FRMPD4: variants seen among roughly 807,000 people sequenced by gnomAD.
FRMPD4 encodes the protein FERM and PDZ domain containing 4.
FRMPD4 carries 22 observed loss-of-function variants against 94.1 expected under a neutral mutation model. The observed-to-expected ratio is 0.23, with a 90% CI of 0.17 to 0.33. The LOEUF is 0.33. Ranked by LOEUF, FRMPD4 falls within the 10% of genes least tolerant of loss-of-function variation. FRMPD4 has a pLI of 1.00. For missense variants in FRMPD4, 1,111 were observed against 1,339.9 expected (o/e 0.83, Z 2.67); for synonymous variants, 631 against 548.6 (o/e 1.15, Z -2.10).
chrX:11,923,792 A>G (rs902227335), intron 3 of FRMPD4, among the ~76,000 whole-genome samples: 1 of 112,422 alleles, frequency 8.9e-6, no homozygotes, highest in African/African-American at 3.2e-5. Flanking sequence ...CGGCAACCTC[A>G]AGGGTTGGAG....
At chrX:12,540,460 C>T (rs1487382995) in intron 2 of FRMPD4, among the ~76,000 whole-genome samples, 8 of 111,582 alleles carry the variant, frequency 7.2e-5, no homozygotes, top group African/African-American at 2.3e-4. Context: ...ATAAAACAGA[C>T]TTTAAATCAA....
chrX:12,392,372 T>G (rs1252677726), intron 1 of FRMPD4, among the ~76,000 whole-genome samples: 2 of 98,223 alleles, frequency 2.0e-5, no homozygotes, highest in Non-Finnish European at 4.1e-5. Flanking sequence ...AAATCTAGGC[T>G]GGGTGCGGTG....
chrX:11,908,082 C>T (rs1227720657), intron 3 of FRMPD4, among the ~76,000 whole-genome samples: 1 of 111,525 alleles, frequency 9.0e-6, no homozygotes, highest in Non-Finnish European at 1.9e-5. Flanking sequence ...GTCTGTATAG[C>T]TTAGTTGTCA....
chrX:12,170,612 A>G (rs1646002075), intron 1 of FRMPD4, among the ~76,000 whole-genome samples: 1 of 112,570 alleles, frequency 8.9e-6, no homozygotes, highest in African/African-American at 3.2e-5. Context: ...CAAAATAAAA[A>G]CTTCATGGAA....
intron 3 of FRMPD4, among the ~76,000 whole-genome samples, chrX:11,913,811 A>G (rs191085196): frequency 2.1e-3 from 234 of 112,442 alleles, no homozygotes; most frequent in African/African-American, 7.0e-3. Context: ...CCCTGTAGCT[A>G]TGAAATCAAA....
At chrX:12,417,993 CAA>C (rs757060426) in intron 1 of FRMPD4, among the ~76,000 whole-genome samples, 3 of 34,065 alleles carry the variant, frequency 8.8e-5, no homozygotes, top group Admixed American at 3.6e-4. Context: ...GACTCTGTCT[CAA>C]AAAAAAAAAA....
intron 3 of FRMPD4, among the ~76,000 whole-genome samples, chrX:12,111,309 G>T (rs1464207293): frequency 3.6e-5 from 4 of 111,421 alleles, no homozygotes; most frequent in Non-Finnish European, 3.8e-5. Flanking sequence ...GACAAAAACA[G>T]GAAATGGGGA....
At chrX:12,320,763 C>T (rs1015586822) in intron 1 of FRMPD4, among the ~76,000 whole-genome samples, 6 of 110,746 alleles carry the variant, frequency 5.4e-5, no homozygotes, top group East Asian at 2.8e-4. Context: ...CTTTTAAAAG[C>T]GATACTGTAA....
intron 3 of FRMPD4, among the ~76,000 whole-genome samples, chrX:12,120,105 G>C (rs1051211285): frequency 2.7e-5 from 3 of 112,494 alleles, no homozygotes; most frequent in African/African-American, 9.7e-5. Flanking sequence ...TGGAAATTAT[G>C]AATTAAGTGT....
chrX:12,603,940 G>C (rs1462588583), intron 2 of FRMPD4, among the ~76,000 whole-genome samples: 1 of 110,337 alleles, frequency 9.1e-6, no homozygotes, highest in Non-Finnish European at 1.9e-5. Flanking sequence ...ATTATTTTTA[G>C]GTAATTTATT....
intron 2 of FRMPD4, among the ~76,000 whole-genome samples, chrX:12,506,713 A>T (rs1247313797): frequency 1.8e-5 from 2 of 113,017 alleles, no homozygotes; most frequent in African/African-American, 6.4e-5. Flanking sequence ...CTGAAGAATC[A>T]CTGAAATGAT....
chrX:12,442,475 C>T (rs191507468), intron 1 of FRMPD4, among the ~76,000 whole-genome samples: 15 of 111,700 alleles, frequency 1.3e-4, no homozygotes, highest in African/African-American at 4.2e-4. Context: ...CCTGTAAAGA[C>T]CGTCTAATTC....
chrX:12,255,779 C>G (rs959759564), intron 1 of FRMPD4, among the ~76,000 whole-genome samples: 1 of 112,021 alleles, frequency 8.9e-6, no homozygotes, highest in East Asian at 2.8e-4. Flanking sequence ...GGAAACCTCT[C>G]TCTTACTTTG....
chrX:12,330,702 G>A (rs1038263924), intron 1 of FRMPD4, among the ~76,000 whole-genome samples: 1 of 111,352 alleles, frequency 9.0e-6, no homozygotes, highest in South Asian at 3.8e-4. Context: ...GAGAAACTTT[G>A]TTTGCCGCAG....
intron 3 of FRMPD4, among the ~76,000 whole-genome samples, chrX:11,920,424 C>T (rs764022886): frequency 3.6e-5 from 4 of 111,549 alleles, no homozygotes; most frequent in Non-Finnish European, 7.5e-5. Context: ...AGTTCCCAAA[C>T]GATTAATCAC....
At chrX:12,287,905 G>A (rs2054625102) in intron 1 of FRMPD4, among the ~76,000 whole-genome samples, 1 of 111,872 alleles carries the variant, frequency 8.9e-6, no homozygotes, top group South Asian at 3.7e-4. Flanking sequence ...TGAGACATTT[G>A]GGTGTTGGCA....
chrX:12,292,688 G>A (rs1258971564), intron 1 of FRMPD4, among the ~76,000 whole-genome samples: 2 of 111,656 alleles, frequency 1.8e-5, no homozygotes, highest in Admixed American at 1.9e-4. Flanking sequence ...TCCTCATCCA[G>A]TATTTTTCAA....
intron 4 of FRMPD4, among the ~76,000 whole-genome samples, chrX:12,642,326 A>C (rs1459878134): frequency 8.9e-6 from 1 of 112,163 alleles, no homozygotes; most frequent in East Asian, 2.8e-4. Context: ...GAAGATTCTC[A>C]TTGTCTCCTC....
chrX:12,553,194 G>A (rs200782209), intron 2 of FRMPD4, among the ~76,000 whole-genome samples: 16 of 62,435 alleles, frequency 2.6e-4, no homozygotes, highest in East Asian at 1.3e-3. Flanking sequence ...GAAAGAAAGA[G>A]AGAGAGAAAG....
Sources: gnomAD v4.1 joint callset for allele counts (sites outside exome capture counted in the v4.1 genomes callset) on GRCh38, gnomAD v4.1.1 for gene constraint, MANE v1.5 for transcripts, NCBI Gene and HGNC (gene_info 2026-07-23, HGNC 2026-07-21) for gene names.